The following PCBP3 variants were observed in gnomAD, a reference collection of about 807,000 sequenced individuals.
The protein encoded by PCBP3 is poly(rC) binding protein 3.
Under a neutral mutation model 52.7 loss-of-function variants are expected in PCBP3, and 25 were observed. The observed-to-expected ratio is 0.47, with a 90% CI of 0.35 to 0.66. The LOEUF is 0.66. Ranked by LOEUF, PCBP3 falls within the 30% of genes least tolerant of loss-of-function variation. The probability of loss-of-function intolerance (pLI) is 0.01; values close to 1 mark genes in which losing one functional copy is unlikely to be tolerated. For missense variants in PCBP3, 391 were observed against 490.3 expected (o/e 0.80, Z 1.91); for synonymous variants, 162 against 183.0 (o/e 0.89, Z 0.93).
At chr21:45,935,981 G>C (rs1685248425) in intron 16 of PCBP3, among the ~76,000 whole-genome samples, 1 of 152,256 alleles carries the variant, frequency 6.6e-6, no homozygotes, top group African/African-American at 2.4e-5. Flanking sequence ...ATAGCTGCCA[G>C]AGCAGCAAGC....
chr21:45,909,938 A>AC (rs1259136833), intron 10 of PCBP3, among the ~76,000 whole-genome samples: 20 of 8,572 alleles, frequency 2.3e-3, no homozygotes, highest in South Asian at 0.017. Context: ...GGACCCCCCC[A>AC]ACCCACTTCC....
At chr21:45,923,942 C>T (rs1455336114) in intron 13 of PCBP3, among the ~76,000 whole-genome samples, 5 of 57,768 alleles carry the variant, frequency 8.7e-5, no homozygotes, top group Admixed American at 1.5e-4. Context: ...CACGTAAGAT[C>T]AGGTGTGCAC....
chr21:45,887,934 G>T (rs1241890476), intron 5 of PCBP3, among the ~76,000 whole-genome samples: 1 of 152,238 alleles, frequency 6.6e-6, no homozygotes, highest in East Asian at 1.9e-4. Context: ...GGAAGGTTGG[G>T]CCGCCTTTCC....
At chr21:45,795,202 T>C (rs911904275) in intron 4 of PCBP3, among the ~76,000 whole-genome samples, 3 of 152,166 alleles carry the variant, frequency 2.0e-5, no homozygotes, top group East Asian at 1.9e-4. Context: ...GAAATTTCAA[T>C]TGACAAATCA....
chr21:45,772,775 A>G, intron 4 of PCBP3, among the ~76,000 whole-genome samples: 1 of 152,042 alleles, frequency 6.6e-6, no homozygotes, highest in East Asian at 1.9e-4. Context: ...GCCATTCTGA[A>G]TGGTTCAAGA....
At chr21:45,703,377 C>G (rs1440317704) in intron 2 of PCBP3, among the ~76,000 whole-genome samples, 2 of 152,252 alleles carry the variant, frequency 1.3e-5, no homozygotes, top group Non-Finnish European at 2.9e-5. Flanking sequence ...CAAAATTACT[C>G]CTTGACCCGT....
intron 4 of PCBP3, among the ~76,000 whole-genome samples, chr21:45,779,016 A>C (rs1386106028): frequency 6.6e-6 from 1 of 152,182 alleles, no homozygotes; most frequent in Non-Finnish European, 1.5e-5. Flanking sequence ...TGGTGGCAGT[A>C]GGCTGTGCCT....
intron 5 of PCBP3, among the ~76,000 whole-genome samples, chr21:45,855,558 G>T (rs998565377): frequency 2.6e-5 from 4 of 152,218 alleles, no homozygotes; most frequent in Non-Finnish European, 5.9e-5. Context: ...GTTGAAGCCT[G>T]AACCCAACCA....
chr21:45,716,180 A>C (rs776519283), intron 2 of PCBP3, among the ~76,000 whole-genome samples: 16 of 152,084 alleles, frequency 1.1e-4, no homozygotes, highest in Non-Finnish European at 1.3e-4. Flanking sequence ...ATTCTTTAGC[A>C]TGTGGATATT....
intron 5 of PCBP3, among the ~76,000 whole-genome samples, chr21:45,856,641 G>A (rs982603769): frequency 2.8e-5 from 4 of 142,826 alleles, no homozygotes; most frequent in Admixed American, 1.4e-4. Context: ...TCTGCCTCCC[G>A]CCATGATCGC....
chr21:45,772,812 C>T (rs2089977868), intron 4 of PCBP3, among the ~76,000 whole-genome samples: 2 of 152,166 alleles, frequency 1.3e-5, no homozygotes, highest in Non-Finnish European at 2.9e-5. Flanking sequence ...TTTTGATTTG[C>T]GTTTCTCTGG....
chr21:45,863,215 T>C (rs2094574037), intron 5 of PCBP3, among the ~76,000 whole-genome samples: 1 of 152,224 alleles, frequency 6.6e-6, no homozygotes, highest in African/African-American at 2.4e-5. Context: ...AATAGCCTCA[T>C]CCTGCAGTCC....
Position 45,850,079 on chromosome 21 carries a change from C to T in PCBP3, c.-7C>T, listed in dbSNP as rs779514231. ...TATGGATCTGCTCTAAACCTTATAG[C>T]CTGCTTATGGGGGAAGGTGAGTTAC... On this transcript the variant is annotated 5_prime_UTR_variant, in exon 5 of 18. Coordinates refer to ENST00000681687, the MANE Select transcript of PCBP3 (RefSeq NM_001384156.1). 4 of 1,550,288 alleles carry T rather than the reference C, an allele frequency of 2.6e-6. No individual in the cohort carries two copies. Among genetic ancestry groups the T allele is most frequent in the South Asian group, 1.2e-5 (1 of 84,038 alleles).
intron 4 of PCBP3, chr21:45,831,254 A>C (rs983925802): frequency 6.6e-6 from 1 of 152,252 alleles, no homozygotes; most frequent in East Asian, 1.9e-4. Context: ...ACAAAAAAAT[A>C]TAAAAATTAG....
In PCBP3 at chr21:45,704,675, C is replaced by G. The variant is rs147347863; in HGVS notation, c.-199-30717C>G. On this transcript the variant is annotated intron_variant, in intron 2 of 17. Coordinates refer to ENST00000681687, the MANE Select transcript of PCBP3 (RefSeq NM_001384156.1). The surrounding 1 kb of genome is among the most constrained non-coding windows in gnomAD (Gnocchi z 4.1). The stretch of plus-strand genomic sequence containing the variant: ...AATTCATAAAGGGAATATGGAGTTC[C>G]GTTTACAACAGCAAGAGATGCCTTG... Among the ~76,000 whole-genome samples the G allele has an allele frequency of 2.6e-5, 4 of 152,256 alleles. No homozygotes were observed. In the East Asian group the frequency reaches 5.8e-4, roughly 22 times the overall value.
At chr21:45,929,075 C>T (rs896940077) in intron 13 of PCBP3, among the ~76,000 whole-genome samples, 3 of 152,216 alleles carry the variant, frequency 2.0e-5, no homozygotes, top group Non-Finnish European at 2.9e-5. Context: ...CACCTTGCCA[C>T]GTTTACCATT....
At chr21:45,867,489 A>C (rs957617485) in intron 5 of PCBP3, among the ~76,000 whole-genome samples, 1 of 152,036 alleles carries the variant, frequency 6.6e-6, no homozygotes, top group African/African-American at 2.4e-5. Context: ...ACCCGCATTC[A>C]CCGCACGCGG....
intron 16 of PCBP3, among the ~76,000 whole-genome samples, chr21:45,938,207 C>T (rs1358992726): frequency 6.6e-6 from 1 of 152,256 alleles, no homozygotes; most frequent in Non-Finnish European, 1.5e-5. Context: ...GATCCAACAG[C>T]ACATGTGCAC....
chr21:45,919,751 A>G lies in PCBP3; in HGVS notation c.717+2122A>G, dbSNP rs751117161. Among the ~76,000 whole-genome samples the G allele has an allele frequency of 3.3e-4, 51 of 152,310 alleles. 1 individual carries two copies. Among genetic ancestry groups the G allele is most frequent in the South Asian group, 8.3e-4 (4 of 4,822 alleles). On this transcript the variant is annotated intron_variant, in intron 13 of 17. Coordinates refer to ENST00000681687, the MANE Select transcript of PCBP3 (RefSeq NM_001384156.1). ...GGAAGCCGGGCTGTGGCCACCACACACCGGAAGGCACTGTTGGGGCTGCCC... is the reference window on the plus strand; with the variant it reads ...GGAAGCCGGGCTGTGGCCACCACACGCCGGAAGGCACTGTTGGGGCTGCCC...
Sources: gnomAD v4.1 joint callset for allele counts (sites outside exome capture counted in the v4.1 genomes callset) on GRCh38, gnomAD v4.1.1 for gene constraint, Gnocchi (gnomAD v3.1) non-coding constraint, MANE v1.5 for transcripts, NCBI Gene and HGNC (gene_info 2026-07-23, HGNC 2026-07-21) for gene names.